LRRTM4: variants seen among roughly 807,000 people sequenced by gnomAD.
LRRTM4 encodes the protein leucine-rich repeat transmembrane neuronal protein 4.
LRRTM4 carries 25 observed loss-of-function variants against 47.6 expected under a neutral mutation model. The observed-to-expected ratio is 0.53, with a 90% CI of 0.38 to 0.73. The LOEUF is 0.73. Among genes scored for constraint, LRRTM4 ranks in the 30% least tolerant of loss-of-function variants. The probability of loss-of-function intolerance (pLI) is 0.00; values close to 1 mark genes in which losing one functional copy is unlikely to be tolerated. For synonymous variants in LRRTM4, 311 were observed against 269.5 expected (o/e 1.15, Z -1.51); for missense variants, 638 against 713.4 (o/e 0.89, Z 1.20).
intron 3 of LRRTM4, among the ~76,000 whole-genome samples, chr2:77,037,649 A>G (rs1236998081): frequency 6.6e-6 from 1 of 151,744 alleles, no homozygotes; most frequent in Non-Finnish European, 1.5e-5. Context: ...CTCTAATATA[A>G]GAAGAAATAT....
chr2:77,266,234 T>A (rs1196313058), intron 3 of LRRTM4, among the ~76,000 whole-genome samples: 1 of 152,160 alleles, frequency 6.6e-6, no homozygotes, highest in Non-Finnish European at 1.5e-5. Context: ...GAAGACTCTT[T>A]AAAACATGAC....
chr2:77,100,453 T>C (rs1008208643), intron 3 of LRRTM4, among the ~76,000 whole-genome samples: 15 of 152,120 alleles, frequency 9.9e-5, no homozygotes, highest in Admixed American at 2.0e-4. Context: ...TAATACTAGC[T>C]TACAGGAAAC....
At chr2:77,368,931 A>C (rs180764942) in intron 3 of LRRTM4, among the ~76,000 whole-genome samples, 186 of 151,874 alleles carry the variant, frequency 1.2e-3, no homozygotes, top group Non-Finnish European at 1.9e-3. Context: ...TATTTTTGAT[A>C]ATGGCTTCAC....
intron 3 of LRRTM4, among the ~76,000 whole-genome samples, chr2:77,442,087 C>G (rs991461055): frequency 2.0e-5 from 3 of 152,090 alleles, no homozygotes; most frequent in Non-Finnish European, 4.4e-5. Context: ...TCCCTGAGAA[C>G]AGCAGAATGT....
intron 3 of LRRTM4, among the ~76,000 whole-genome samples, chr2:76,833,066 A>G (rs1671400533): frequency 2.0e-5 from 3 of 152,086 alleles, no homozygotes; most frequent in Admixed American, 1.3e-4. Flanking sequence ...GCTTGCAATG[A>G]CTGTTAGCTA....
At chr2:77,101,624 C>T (rs539236874) in intron 3 of LRRTM4, among the ~76,000 whole-genome samples, 1 of 152,036 alleles carries the variant, frequency 6.6e-6, no homozygotes, top group African/African-American at 2.4e-5. Flanking sequence ...CAGTCCAAAG[C>T]CCATCTTTAT....
intron 3 of LRRTM4, among the ~76,000 whole-genome samples, chr2:76,846,018 A>C (rs2103952567): frequency 6.6e-6 from 1 of 152,274 alleles, no homozygotes; most frequent in East Asian, 1.9e-4. Flanking sequence ...TATTTGCAGG[A>C]TATAAAACCC....
chr2:76,779,447 G>C (rs1367247382), intron 3 of LRRTM4, among the ~76,000 whole-genome samples: 1 of 148,854 alleles, frequency 6.7e-6, no homozygotes, highest in Non-Finnish European at 1.5e-5. Context: ...GGGTGCTCCT[G>C]TATTGGGTGC....
intron 3 of LRRTM4, among the ~76,000 whole-genome samples, chr2:76,884,511 A>G (rs1673015964): frequency 6.6e-6 from 1 of 152,214 alleles, no homozygotes; most frequent in African/African-American, 2.4e-5. Context: ...AGGTTTGCAT[A>G]TACTGCATAA....
At chr2:77,044,639 A>G (rs1199673454) in intron 3 of LRRTM4, among the ~76,000 whole-genome samples, 1 of 151,554 alleles carries the variant, frequency 6.6e-6, no homozygotes, top group Non-Finnish European at 1.5e-5. Flanking sequence ...ATATATATAT[A>G]CACACAAACA....
chr2:77,298,215 G>A (rs1354879945), intron 3 of LRRTM4, among the ~76,000 whole-genome samples: 2 of 152,122 alleles, frequency 1.3e-5, no homozygotes, highest in African/African-American at 4.8e-5. Context: ...TACTTCACTT[G>A]ACAACCACTA....
intron 3 of LRRTM4, among the ~76,000 whole-genome samples, chr2:77,040,163 G>A (rs1678977235): frequency 6.6e-6 from 1 of 150,958 alleles, no homozygotes; most frequent in African/African-American, 2.4e-5. Context: ...AAACTATTGA[G>A]ATTTTCCATG....
At chr2:77,208,557 G>GTGTCACACATATATATGTGTAATATGTA (rs1674205616) in intron 3 of LRRTM4, among the ~76,000 whole-genome samples, 5 of 152,016 alleles carry the variant, frequency 3.3e-5, no homozygotes, top group South Asian at 2.1e-4. Flanking sequence ...AGGAGTTGGG[G>GTGTCACACATATATATGTGTAATATGTA]TGTCACACAT....
chr2:77,067,705 A>G lies in LRRTM4; in HGVS notation c.1552-318789T>C, dbSNP rs569076266. On this transcript the variant is annotated intron_variant, in intron 3 of 3. Transcript: ENST00000409884. ...GATACGTACACACACACACACACAC[A>G]CACACACACACATACATATTTCAGG... 2.0e-5 allele frequency among the ~76,000 whole-genome samples: 3 copies of G among 151,714 alleles called. No individual in the cohort carries two copies. The South Asian group carries it at 6.3e-4, about 32-fold the overall frequency.
chr2:77,138,897 C>T (rs1672030841), intron 3 of LRRTM4, among the ~76,000 whole-genome samples: 1 of 152,110 alleles, frequency 6.6e-6, no homozygotes, highest in African/African-American at 2.4e-5. Flanking sequence ...TTCCTGGACA[C>T]ATATATACTC....
intron 3 of LRRTM4, among the ~76,000 whole-genome samples, chr2:77,049,157 T>TAC (rs1336101809): frequency 0.014 from 1,463 of 106,138 alleles, 24 homozygotes; most frequent in Non-Finnish European, 0.016. Context: ...TATATATATA[T>TAC]ACACACACAC....
chr2:77,351,274 GA>G lies in LRRTM4; in HGVS notation c.1551+167043del, dbSNP rs200800165. Among the ~76,000 whole-genome samples the G allele has an allele frequency of 1.1e-3, 154 of 144,204 alleles. 1 individual carries two copies. In the South Asian group the frequency reaches 0.015, roughly 14 times the overall value. The allele number at this position is 144,204 out of a possible 152,430, so 94.6% of individuals were successfully genotyped here. A position where few individuals can be genotyped will look rare whatever the true frequency, so the allele number is the denominator to read the frequency against. Reference sequence around the variant, plus strand: ...TATAGCTCACTGTGAAATAAAGTAGGAAAAAAAAAAACACATAAAATTCAGA... The same window carrying G: ...TATAGCTCACTGTGAAATAAAGTAGGAAAAAAAAAACACATAAAATTCAGA... On this transcript the variant is annotated intron_variant, in intron 3 of 3. Transcript: ENST00000409884.
At chr2:77,161,771 A>C (rs2103810394) in intron 3 of LRRTM4, among the ~76,000 whole-genome samples, 1 of 152,170 alleles carries the variant, frequency 6.6e-6, no homozygotes, top group Admixed American at 6.5e-5. Flanking sequence ...TTTTTCTGTG[A>C]AAATGTCTTA....
At chr2:76,976,728 C>A (rs1037368851) in intron 3 of LRRTM4, among the ~76,000 whole-genome samples, 4 of 151,770 alleles carry the variant, frequency 2.6e-5, no homozygotes, top group African/African-American at 9.7e-5. Context: ...TTAATAGATG[C>A]AAAGTGACAG....
Sources: allele counts gnomAD v4.1 joint callset (sites outside exome capture counted in the v4.1 genomes callset), GRCh38; gene constraint gnomAD v4.1.1; transcripts MANE v1.5; gene names NCBI Gene and HGNC (gene_info 2026-07-23, HGNC 2026-07-21).